NF1: variants seen among roughly 807,000 people sequenced by gnomAD.
NF1 encodes neurofibromin 1, also known as neurofibromin.
A neutral mutation model predicts 325.7 loss-of-function variants in NF1; 122 were observed. The ratio of observed to expected loss-of-function variants is 0.37; its 90% confidence interval spans 0.32 to 0.44. The LOEUF is 0.44. Among genes scored for constraint, NF1 ranks in the 20% least tolerant of loss-of-function variants. The pLI, the probability that NF1 is intolerant of heterozygous loss-of-function variation, is 1.00. For synonymous variants in NF1, 1,091 were observed against 1,186.0 expected (o/e 0.92, Z 1.65); for missense variants, 2,140 against 3,415.4 (o/e 0.63, Z 9.31).
intron 1 of NF1, among the ~76,000 whole-genome samples, chr17:31,139,209 G>T (rs1195079220): frequency 6.6e-6 from 1 of 152,044 alleles, no homozygotes; most frequent in East Asian, 1.9e-4. Flanking sequence ...CACCATGCGT[G>T]GCTAAATTTT....
chr17:31,374,524 C>A lies in NF1; in HGVS notation c.*369C>A. The A allele has an allele frequency of 2.5e-6, 1 of 405,864 alleles. No homozygotes were observed. The highest frequency in any genetic ancestry group is 2.0e-5 in the African/African-American group (1 of 50,232). The allele number at this position is 405,864 out of a possible 1,614,324, so 25.1% of individuals were successfully genotyped here. A position where few individuals can be genotyped will look rare whatever the true frequency, so the allele number is the denominator to read the frequency against. ...TGAAAGCCATTTGCACAGAGCTCTGCCTTCTGTGGTTTTCCCTTCTTCATC... is the reference window on the plus strand; with the variant it reads ...TGAAAGCCATTTGCACAGAGCTCTGACTTCTGTGGTTTTCCCTTCTTCATC... On this transcript the variant is annotated 3_prime_UTR_variant, in exon 58 of 58. Coordinates refer to ENST00000358273, the MANE Select transcript of NF1 (RefSeq NM_001042492.3).
In NF1 at chr17:31,201,544, G is replaced by A. The variant is rs17885375; in HGVS notation, c.1260+59G>A. 7,369 of 1,271,630 alleles carry A rather than the reference G, an allele frequency of 5.8e-3. 333 individuals carry two copies. In the African/African-American group the frequency reaches 0.094, roughly 16 times the overall value. The allele number at this position is 1,271,630 out of a possible 1,614,324, so 78.8% of individuals were successfully genotyped here. A position where few individuals can be genotyped will look rare whatever the true frequency, so the allele number is the denominator to read the frequency against. On this transcript the variant is annotated intron_variant, in intron 11 of 57. Transcript: ENST00000358273. ...AAATTTTTTTCTTTCTTTTCTTTGC[G>A]TATTTCTTTTTAAGAAATGCACTCT...
In NF1 at chr17:31,148,828, A is replaced by G. The variant is rs180735605; in HGVS notation, c.61-7155A>G. ...GATACAGTTTTCAGTTGATTTGTTT[A>G]TTTTTGATTTCTAGACTTCTTAAAA... On this transcript the variant is annotated intron_variant, in intron 1 of 57. Transcript: ENST00000358273. Among the ~76,000 whole-genome samples the G allele has an allele frequency of 2.9e-3, 447 of 152,166 alleles. 2 individuals are homozygous for G. Among genetic ancestry groups the G allele is most frequent in the African/African-American group, 9.7e-3 (404 of 41,540 alleles).
chr17:31,308,681 G>A (rs1187459187), intron 36 of NF1, among the ~76,000 whole-genome samples: 1 of 151,474 alleles, frequency 6.6e-6, no homozygotes, highest in Non-Finnish European at 1.5e-5. Context: ...CCCCTTTCTG[G>A]CTGCATATCT....
At chr17:31,249,398 G>A (rs940177513) in intron 30 of NF1, among the ~76,000 whole-genome samples, 5 of 152,186 alleles carry the variant, frequency 3.3e-5, no homozygotes, top group Non-Finnish European at 7.3e-5. Context: ...TGATGGATGT[G>A]GCTGAAATGA....
intron 36 of NF1, among the ~76,000 whole-genome samples, chr17:31,280,763 C>G (rs553152537): frequency 6.6e-6 from 1 of 151,942 alleles, no homozygotes; most frequent in South Asian, 2.1e-4. Flanking sequence ...CATTTCACTT[C>G]CAGGTAAAAT....
At chr17:31,299,350 AT>A (rs2068528861) in intron 36 of NF1, among the ~76,000 whole-genome samples, 1 of 152,062 alleles carries the variant, frequency 6.6e-6, no homozygotes, top group South Asian at 2.1e-4. Context: ...CTCAAAAAAA[AT>A]ATTTTTTAGA....
intron 2 of NF1, among the ~76,000 whole-genome samples, chr17:31,156,829 A>G (rs1056031401): frequency 4.6e-5 from 7 of 152,114 alleles, no homozygotes; most frequent in Non-Finnish European, 1.5e-5. Flanking sequence ...GTCTTTCTCA[A>G]GTGATCCCTT....
rs1342638763 is a variant in NF1 at position 31,340,681 on chromosome 17, C to A, written c.7062+36C>A. ...TTTGCCTTGAGGTTCCTAGATTACTCAAATTTAGTACTCTTCCATCTTTTC... is the reference window on the plus strand; with the variant it reads ...TTTGCCTTGAGGTTCCTAGATTACTAAAATTTAGTACTCTTCCATCTTTTC... On this transcript the variant is annotated intron_variant, in intron 47 of 57. Coordinates refer to ENST00000358273, the MANE Select transcript of NF1 (RefSeq NM_001042492.3). The A allele has an allele frequency of 1.9e-6, 3 of 1,599,256 alleles. No homozygotes were observed. The South Asian group carries it at 3.3e-5, about 18-fold the overall frequency.
At chr17:31,285,843 A>C (rs1364887842) in intron 36 of NF1, among the ~76,000 whole-genome samples, 4 of 152,184 alleles carry the variant, frequency 2.6e-5, no homozygotes, top group Non-Finnish European at 5.9e-5. Context: ...TGTAACTTAC[A>C]AACTAGCTCT....
intron 31 of NF1, 39 bp downstream of exon 31, chr17:31,253,039 A>G (rs1363246558): frequency 6.6e-7 from 1 of 1,520,678 alleles, no homozygotes; most frequent in Non-Finnish European, 9.1e-7. Flanking sequence ...TTTCTTTCAA[A>G]GCAAAACAAA....
intron 1 of NF1, among the ~76,000 whole-genome samples, chr17:31,136,030 C>T (rs973079771): frequency 3.3e-5 from 5 of 152,004 alleles, no homozygotes; most frequent in Non-Finnish European, 5.9e-5. Flanking sequence ...CTCTTACTTT[C>T]CTTTCTTTGA....
intron 8 of NF1, among the ~76,000 whole-genome samples, chr17:31,185,345 A>G (rs974032648): frequency 6.6e-6 from 1 of 152,122 alleles, no homozygotes; most frequent in African/African-American, 2.4e-5. Flanking sequence ...ACTTGGAGAG[A>G]CCTTGGTCAT....
rs397754615 is a variant in NF1 at position 31,374,278 on chromosome 17, TC to T, written c.*125del. On this transcript the variant is annotated 3_prime_UTR_variant, in exon 58 of 58. Transcript: ENST00000358273. ...CACTTCCTGTTTTATAATGAACCCA[TC>T]CGGTTTGCCATGTTGCCAGATGATC... 3,408 of 1,322,036 alleles carry T rather than the reference TC, an allele frequency of 2.6e-3. 91 individuals carry two copies. The East Asian group carries it at 0.055, about 21-fold the overall frequency. 81.9% of individuals were successfully genotyped at this position (1,322,036 alleles called of 1,614,324 possible). A position where few individuals can be genotyped will look rare whatever the true frequency, so the allele number is the denominator to read the frequency against.
chr17:31,183,981 A>G (rs1425612512), intron 8 of NF1, among the ~76,000 whole-genome samples: 1 of 152,116 alleles, frequency 6.6e-6, no homozygotes, highest in East Asian at 1.9e-4. Flanking sequence ...TTATATAAAT[A>G]TTCTATTACT....
intron 29 of NF1, among the ~76,000 whole-genome samples, chr17:31,243,867 T>C (rs1451690325): frequency 6.6e-6 from 1 of 151,718 alleles, no homozygotes; most frequent in Non-Finnish European, 1.5e-5. Flanking sequence ...ACCTCTTCTT[T>C]CCTCAAGCAG....
At chr17:31,176,472 A>C (rs1348008247) in intron 5 of NF1, among the ~76,000 whole-genome samples, 1 of 152,100 alleles carries the variant, frequency 6.6e-6, no homozygotes, top group Non-Finnish European at 1.5e-5. Flanking sequence ...GTTCACTCCG[A>C]TGGTAGTTTC....
intron 8 of NF1, among the ~76,000 whole-genome samples, chr17:31,188,102 C>T (rs1299017861): frequency 6.6e-6 from 1 of 152,150 alleles, no homozygotes; most frequent in Non-Finnish European, 1.5e-5. Flanking sequence ...GGCAGGACTA[C>T]AAATGACCCA....
intron 57 of NF1, chr17:31,367,166 C>T: frequency 9.3e-7 from 1 of 1,071,100 alleles, no homozygotes; most frequent in Non-Finnish European, 1.3e-6. Context: ...GTATTTCACC[C>T]TTTTTTAAAT....
Sources: allele counts gnomAD v4.1 joint callset (sites outside exome capture counted in the v4.1 genomes callset), GRCh38; gene constraint gnomAD v4.1.1; transcripts MANE v1.5; gene names NCBI Gene and HGNC (gene_info 2026-07-23, HGNC 2026-07-21).